ACER3: variants seen among roughly 807,000 people sequenced by gnomAD.
The protein encoded by ACER3 is alkaline ceramidase 3.
Under a neutral mutation model 48.9 loss-of-function variants are expected in ACER3, and 16 were observed. The observed-to-expected ratio is 0.33, with a 90% confidence interval of 0.22 to 0.50. The LOEUF is 0.50. Ranked by LOEUF, ACER3 falls within the 20% of genes least tolerant of loss-of-function variation. ACER3 has a pLI of 0.98. For synonymous variants in ACER3, 109 were observed against 107.8 expected (o/e 1.01, Z -0.07); for missense variants, 227 against 326.0 (o/e 0.70, Z 2.34).
At position 76,929,526 on chromosome 11, in the gene ACER3, C is replaced by G. The variant is rs553294057; in HGVS notation, c.214+2859C>G. ...GAATAGGAGTGGTGAGAGAGGGCATCCCTGTCTTGTGCCAGTTTTCAAAGA... is the reference window on the plus strand; with the variant it reads ...GAATAGGAGTGGTGAGAGAGGGCATGCCTGTCTTGTGCCAGTTTTCAAAGA... On this transcript the variant is annotated intron_variant, in intron 2 of 10. Transcript: ENST00000532485. Among the ~76,000 whole-genome samples, 51 of 152,312 alleles carry G rather than the reference C, an allele frequency of 3.3e-4. No homozygotes were observed. The East Asian group carries it at 8.9e-3, about 26-fold the overall frequency.
intron 2 of ACER3, among the ~76,000 whole-genome samples, chr11:76,935,160 T>A (rs1213551387): frequency 6.6e-6 from 1 of 151,668 alleles, no homozygotes; most frequent in African/African-American, 2.4e-5. Context: ...ATAGGGGCTG[T>A]TGTAGAAAGT....
intron 1 of ACER3, among the ~76,000 whole-genome samples, chr11:76,862,955 G>A (rs925254855): frequency 6.6e-6 from 1 of 152,250 alleles, no homozygotes; most frequent in Non-Finnish European, 1.5e-5. Context: ...GCTGGGCATC[G>A]TGGCCCATGC....
At chr11:76,976,480 T>C (rs1948447033) in intron 4 of ACER3, 139 bp downstream of exon 4, 2 of 543,256 alleles carry the variant, frequency 3.7e-6, no homozygotes, top group South Asian at 5.8e-5. Flanking sequence ...GATATCAATA[T>C]AGAGTATAAT....
intron 9 of ACER3, among the ~76,000 whole-genome samples, chr11:77,017,704 T>C (rs540525646): frequency 6.6e-6 from 1 of 152,308 alleles, no homozygotes; most frequent in Admixed American, 6.5e-5. Context: ...ATCACACTTC[T>C]TGATTTCAAA....
intron 10 of ACER3, 58 bp from the exon 11 acceptor site, chr11:77,020,216 G>A: frequency 6.4e-7 from 1 of 1,562,722 alleles, no homozygotes; most frequent in Non-Finnish European, 8.8e-7. Context: ...TTCTTTTTCA[G>A]GGATAACATG....
At chr11:76,992,911 C>T (rs767827576) in intron 6 of ACER3, among the ~76,000 whole-genome samples, 1 of 151,814 alleles carries the variant, frequency 6.6e-6, no homozygotes, top group Non-Finnish European at 1.5e-5. Context: ...CCCTGTCACC[C>T]AGGCTGGAGT....
In ACER3 at chr11:76,982,050, A is replaced by T. The variant is rs748099689; in HGVS notation, c.321-3593A>T. Among the ~76,000 whole-genome samples, 4 of 152,090 alleles carry T rather than the reference A, an allele frequency of 2.6e-5. No homozygotes were observed. In the South Asian group the frequency reaches 8.3e-4, roughly 32 times the overall value. On this transcript the variant is annotated intron_variant, in intron 4 of 10. Coordinates refer to ENST00000532485, the MANE Select transcript of ACER3 (RefSeq NM_018367.7). ...CATATACTTGCCAAGACTTGGTATTATCAGTCTTTTTTATTTTAGTCATTC... is the reference window on the plus strand; with the variant it reads ...CATATACTTGCCAAGACTTGGTATTTTCAGTCTTTTTTATTTTAGTCATTC...
intron 2 of ACER3, chr11:76,958,769 G>T: frequency 1.8e-6 from 1 of 567,144 alleles, no homozygotes; most frequent in Admixed American, 3.0e-5. Context: ...TTAGTAGAGG[G>T]AATTTAGGAG....
chr11:77,016,772 C>T lies in ACER3; in HGVS notation c.697C>T (p.Leu233Phe), dbSNP rs1949378900. ...LTGLGSYLHI[L>F]FSLYTRTLYL... ...TGGCCTTGGTTCCTATCTTCACATC[C>T]TTTTCAGGTAGGAAATAGAGACTTT... is the stretch of plus-strand genomic sequence containing the variant. The change falls in exon 9 of 11, where the codon CTT becomes TTT. Residue 233 changes from leucine to phenylalanine, a missense_variant. Around this residue, in one of 3 missense-constraint regions of ACER3, gnomAD observed 195 missense variants for 290.8 expected, o/e 0.67. Transcript: ENST00000532485. 6.4e-7 allele frequency: 1 copy of T among 1,567,810 alleles called. No individual in the cohort carries two copies. The highest frequency in any genetic ancestry group is 8.7e-7 in the Non-Finnish European group (1 of 1,149,198).
At chr11:76,988,478 C>T (rs566677477) in intron 5 of ACER3, among the ~76,000 whole-genome samples, 3 of 152,302 alleles carry the variant, frequency 2.0e-5, no homozygotes, top group East Asian at 3.9e-4. Flanking sequence ...TCCTTCTTCA[C>T]ATGGTGGCAG....
chr11:76,869,680 A>G (rs201617106), intron 1 of ACER3, among the ~76,000 whole-genome samples: 1 of 506 alleles, frequency 2.0e-3, no homozygotes, highest in African/African-American at 6.6e-3. Flanking sequence ...CACCTTTTCT[A>G]CTTTTCTGTC....
rs553958279 is a variant in ACER3 at position 76,904,922 on chromosome 11, G to A, written c.104-21635G>A. ...GGCTGGAGTGCAGTGGCACAATCTCGGCTCACTACAACCTCCACCTCCTGG... is the reference window on the plus strand; with the variant it reads ...GGCTGGAGTGCAGTGGCACAATCTCAGCTCACTACAACCTCCACCTCCTGG... On this transcript the variant is annotated intron_variant, in intron 1 of 10. Coordinates refer to ENST00000532485, the MANE Select transcript of ACER3 (RefSeq NM_018367.7). Among the ~76,000 whole-genome samples the A allele has an allele frequency of 3.3e-5, 5 of 151,882 alleles. No homozygotes were observed. The South Asian group carries it at 8.3e-4, about 25-fold the overall frequency.
intron 2 of ACER3, among the ~76,000 whole-genome samples, chr11:76,947,101 T>A (rs1335676558): frequency 6.6e-6 from 1 of 152,230 alleles, no homozygotes; most frequent in Non-Finnish European, 1.5e-5. Context: ...CTAGACAATC[T>A]GTTTGAAAGG....
At chr11:76,931,524 A>G (rs1411193760) in intron 2 of ACER3, among the ~76,000 whole-genome samples, 1 of 152,144 alleles carries the variant, frequency 6.6e-6, no homozygotes, top group Non-Finnish European at 1.5e-5. Context: ...TTAGCTGGTT[A>G]TTTTGGTCGT....
At chr11:76,995,567 T>C (rs1456199662) in intron 6 of ACER3, among the ~76,000 whole-genome samples, 1 of 152,040 alleles carries the variant, frequency 6.6e-6, no homozygotes, top group African/African-American at 2.4e-5. Context: ...TATTGTTAGA[T>C]AAAAATTATA....
In ACER3 at chr11:76,868,852, G is replaced by A. The variant is rs554532961; in HGVS notation, c.103+7773G>A. 3.9e-5 allele frequency among the ~76,000 whole-genome samples: 6 copies of A among 152,344 alleles called. No individual in the cohort carries two copies. The East Asian group carries it at 1.2e-3, about 29-fold the overall frequency. On this transcript the variant is annotated intron_variant, in intron 1 of 10. Transcript: ENST00000532485. ...ACAGGGTTTGGAGAACTTCTGGATA[G>A]CTGAACACGTGGAGACTGACAGGAA...
chr11:76,945,744 G>T (rs1360036332), intron 2 of ACER3, among the ~76,000 whole-genome samples: 2 of 152,200 alleles, frequency 1.3e-5, no homozygotes, highest in African/African-American at 4.8e-5. Context: ...ATGTGGGCAG[G>T]TTCTCAAACT....
intron 1 of ACER3, among the ~76,000 whole-genome samples, chr11:76,880,302 G>A (rs118091186): frequency 0.036 from 5,403 of 152,082 alleles, 149 homozygotes; most frequent in Non-Finnish European, 0.051. Flanking sequence ...TTTCCTCTTG[G>A]CACACAAACT....
intron 5 of ACER3, 112 bp downstream of exon 5, chr11:76,985,836 C>T: frequency 5.3e-6 from 3 of 562,804 alleles, no homozygotes; most frequent in Non-Finnish European, 5.9e-6. Flanking sequence ...AATCTTTCTA[C>T]ACAAAACAAG....
Sources: gnomAD v4.1 joint callset for allele counts (sites outside exome capture counted in the v4.1 genomes callset) on GRCh38, gnomAD v4.1.1 for gene constraint, gnomAD v4.1.1 regional missense constraint, MANE v1.5 for transcripts, NCBI Gene and HGNC (gene_info 2026-07-23, HGNC 2026-07-21) for gene names.